PRKG1: variants seen among roughly 807,000 people sequenced by gnomAD.
The protein encoded by PRKG1 is cGMP-dependent protein kinase 1.
Under a neutral mutation model 88.1 loss-of-function variants are expected in PRKG1, and 35 were observed. That is an observed-to-expected ratio of 0.40 (90% CI 0.30 to 0.53). PRKG1 has a LOEUF of 0.53. Ranked by LOEUF, PRKG1 falls within the 20% of genes least tolerant of loss-of-function variation. PRKG1 has a pLI of 0.59. For synonymous variants in PRKG1, 303 were observed against 292.5 expected, an observed-to-expected ratio of 1.04 and a Z score of -0.37; for missense variants, 540 against 839.8, an observed-to-expected ratio of 0.64 and a Z score of 4.41.
intron 3 of PRKG1, among the ~76,000 whole-genome samples, chr10:51,550,079 C>T (rs1252312321): frequency 6.6e-6 from 1 of 152,078 alleles, no homozygotes; most frequent in African/African-American, 2.4e-5. Flanking sequence ...TCCTGTGTAT[C>T]ATCAAATGCA....
At chr10:51,563,490 A>G (rs142143373) in intron 3 of PRKG1, among the ~76,000 whole-genome samples, 1 of 152,218 alleles carries the variant, frequency 6.6e-6, no homozygotes, top group African/African-American at 2.4e-5. Flanking sequence ...TTTTGGATTC[A>G]GAATCTCTCT....
At chr10:51,024,596 T>C (rs1015827758) in intron 1 of PRKG1, among the ~76,000 whole-genome samples, 9 of 152,210 alleles carry the variant, frequency 5.9e-5, no homozygotes, top group African/African-American at 1.9e-4. Flanking sequence ...CACACTGCTA[T>C]TGCTATAAAG....
At chr10:51,349,411 G>A (rs921263792) in intron 2 of PRKG1, among the ~76,000 whole-genome samples, 3 of 150,428 alleles carry the variant, frequency 2.0e-5, no homozygotes, top group Non-Finnish European at 4.4e-5. Context: ...TGTGTATTTT[G>A]TTCAGAGAAG....
intron 2 of PRKG1, among the ~76,000 whole-genome samples, chr10:51,159,106 C>T (rs1321555169): frequency 2.0e-5 from 3 of 152,012 alleles, no homozygotes; most frequent in African/African-American, 7.2e-5. Context: ...AAACTTATAC[C>T]GCTTCAAACT....
At chr10:51,542,181 T>C (rs1842320244) in intron 3 of PRKG1, among the ~76,000 whole-genome samples, 1 of 152,034 alleles carries the variant, frequency 6.6e-6, no homozygotes, top group Non-Finnish European at 1.5e-5. Context: ...TTATATGAAT[T>C]ACCCCAAACT....
intron 4 of PRKG1, among the ~76,000 whole-genome samples, chr10:51,887,925 T>C (rs931235877): frequency 6.6e-6 from 1 of 152,190 alleles, no homozygotes; most frequent in African/African-American, 2.4e-5. Context: ...ATTTCTGTTA[T>C]GCACGTTAAA....
At chr10:51,194,697 A>G (rs1837717277) in intron 2 of PRKG1, among the ~76,000 whole-genome samples, 1 of 152,134 alleles carries the variant, frequency 6.6e-6, no homozygotes, top group South Asian at 2.1e-4. Context: ...ATAACAGAAT[A>G]CTACAGACTT....
chr10:51,725,738 A>G (rs1842116815), intron 3 of PRKG1, among the ~76,000 whole-genome samples: 1 of 151,602 alleles, frequency 6.6e-6, no homozygotes, highest in African/African-American at 2.4e-5. Flanking sequence ...GGCTCAAGCG[A>G]TCCTCCTGCC....
chr10:51,415,530 TC>T (rs1838212006), intron 2 of PRKG1, among the ~76,000 whole-genome samples: 1 of 152,188 alleles, frequency 6.6e-6, no homozygotes. Context: ...TAATATACAT[TC>T]CCCTGAGGTG....
chr10:51,814,668 A>G (rs1839540752), intron 4 of PRKG1, among the ~76,000 whole-genome samples: 1 of 152,256 alleles, frequency 6.6e-6, no homozygotes, highest in African/African-American at 2.4e-5. Context: ...TAGCAGATTC[A>G]TTCTCATTAA....
At chr10:51,699,486 TC>T (rs754031407) in intron 3 of PRKG1, 1 of 1,613,828 alleles carries the variant, frequency 6.2e-7, no homozygotes, top group Non-Finnish European at 8.5e-7. Context: ...TATGGAATGT[TC>T]CCCACGAACA....
In PRKG1 at chr10:51,133,058, ATAGT is replaced by A. The variant is rs146894359; in HGVS notation, c.312-20102_312-20099del. ...TGAGCCTTACAATGAAATCTGAGAC[ATAGT>A]TAGGTGGATGGTGAGAAGTACCCTC... On this transcript the variant is annotated intron_variant, in intron 1 of 17. Coordinates refer to ENST00000373980, the MANE Select transcript of PRKG1 (RefSeq NM_006258.4). Among the ~76,000 whole-genome samples the A allele has an allele frequency of 2.7e-3, 416 of 152,258 alleles. 3 individuals carry two copies. The East Asian group carries it at 0.031, about 11-fold the overall frequency.
At chr10:51,410,665 T>C (rs1838059132) in intron 2 of PRKG1, among the ~76,000 whole-genome samples, 1 of 152,122 alleles carries the variant, frequency 6.6e-6, no homozygotes, top group Non-Finnish European at 1.5e-5. Context: ...TTATTAATCA[T>C]CACAAACCCT....
intron 3 of PRKG1, among the ~76,000 whole-genome samples, chr10:51,723,425 G>A (rs1842060501): frequency 6.6e-6 from 1 of 152,030 alleles, no homozygotes; most frequent in African/African-American, 2.4e-5. Flanking sequence ...TGAACAACAA[G>A]AGCACATGAA....
intron 3 of PRKG1, among the ~76,000 whole-genome samples, chr10:51,716,662 A>T (rs1841894327): frequency 6.6e-6 from 1 of 152,062 alleles, no homozygotes; most frequent in African/African-American, 2.4e-5. Flanking sequence ...ACCTCCTTTG[A>T]AGTGAATGTA....
At chr10:51,567,356 T>C (rs1037910243) in intron 3 of PRKG1, among the ~76,000 whole-genome samples, 1 of 152,022 alleles carries the variant, frequency 6.6e-6, no homozygotes, top group Non-Finnish European at 1.5e-5. Context: ...CCTTTCCCTG[T>C]CAAAGCCCAT....
chr10:51,734,013 A>C (rs1315416491), intron 3 of PRKG1, among the ~76,000 whole-genome samples: 2 of 152,146 alleles, frequency 1.3e-5, no homozygotes, highest in African/African-American at 4.8e-5. Context: ...TAATAAACAA[A>C]ATGTTTCTAT....
intron 3 of PRKG1, among the ~76,000 whole-genome samples, chr10:51,474,081 G>A (rs991714506): frequency 8.6e-5 from 13 of 152,016 alleles, no homozygotes; most frequent in South Asian, 6.2e-4. Flanking sequence ...AGTAATAAAA[G>A]CAGATAACAT....
At chr10:52,071,303 C>A (rs998310834) in intron 7 of PRKG1, among the ~76,000 whole-genome samples, 1 of 152,050 alleles carries the variant, frequency 6.6e-6, no homozygotes, top group Non-Finnish European at 1.5e-5. Context: ...TCTCTGCCTC[C>A]CCTCTTTTCA....
Sources: allele counts gnomAD v4.1 joint callset (sites outside exome capture counted in the v4.1 genomes callset), GRCh38; gene constraint gnomAD v4.1.1; transcripts MANE v1.5; gene names NCBI Gene and HGNC (gene_info 2026-07-23, HGNC 2026-07-21).